The following DOCK10 variants were observed in gnomAD, a reference collection of about 807,000 sequenced individuals.
DOCK10 encodes the protein dedicator of cytokinesis protein 10.
DOCK10 carries 145 observed loss-of-function variants against 280.1 expected under a neutral mutation model. The ratio of observed to expected loss-of-function variants is 0.52; its 90% CI spans 0.45 to 0.59. DOCK10 has a LOEUF of 0.59. DOCK10 is among the 20% of genes least tolerant of loss of function. DOCK10 has a pLI of 0.00. For missense variants in DOCK10, 2,368 were observed against 2,651.7 expected, an observed-to-expected ratio of 0.89 and a Z score of 2.35; for synonymous variants, 915 against 942.2, an observed-to-expected ratio of 0.97 and a Z score of 0.53.
At chr2:224,954,138 C>T (rs1703917059) in intron 1 of DOCK10, among the ~76,000 whole-genome samples, 1 of 152,064 alleles carries the variant, frequency 6.6e-6, no homozygotes, top group African/African-American at 2.4e-5. Flanking sequence ...GGTGAAAATT[C>T]TCATTTAGAG....
intron 50 of DOCK10, among the ~76,000 whole-genome samples, chr2:224,785,822 A>T (rs1038702645): frequency 6.6e-6 from 1 of 152,180 alleles, no homozygotes; most frequent in African/African-American, 2.4e-5. Context: ...AGAGGAAAAT[A>T]TGTATTTTTC....
Position 224,911,328 on chromosome 2 carries a change from C to T in DOCK10, c.333+5367G>A, listed in dbSNP as rs914364922. ...TGAAGGTGACATTCTCAGAGAACTA[C>T]GGATAGATGAAAAGATCTATCTGGA... On this transcript the variant is annotated intron_variant, in intron 3 of 55. Coordinates refer to ENST00000258390, the MANE Select transcript of DOCK10 (RefSeq NM_014689.3). Among the ~76,000 whole-genome samples, 6 of 152,232 alleles carry T rather than the reference C, an allele frequency of 3.9e-5. 2 individuals carry two copies. In the Middle Eastern group the frequency reaches 0.014, roughly 345 times the overall value.
chr2:225,015,026 C>T (rs1458264199), intron 1 of DOCK10, among the ~76,000 whole-genome samples: 1 of 152,148 alleles, frequency 6.6e-6, no homozygotes, highest in Non-Finnish European at 1.5e-5. Flanking sequence ...CTATCATCTG[C>T]CTGTTCTCAT....
chr2:224,772,812 A>G (rs926560252), intron 53 of DOCK10, among the ~76,000 whole-genome samples: 7 of 152,218 alleles, frequency 4.6e-5, no homozygotes, highest in African/African-American at 1.7e-4. Flanking sequence ...CAATTTTTTA[A>G]GGCTCTTAAT....
intron 51 of DOCK10, among the ~76,000 whole-genome samples, chr2:224,776,632 G>GAA (rs113737189): frequency 1.5e-5 from 2 of 134,692 alleles, no homozygotes; most frequent in African/African-American, 2.7e-5. Context: ...AAAGAGGACA[G>GAA]AAAAAAAAAA....
rs1697608760 is a variant in DOCK10 at position 224,862,849 on chromosome 2, C to T, written c.1603-103G>A. 4.1e-6 allele frequency: 3 copies of T among 730,880 alleles called. No individual in the cohort carries two copies. The South Asian group carries it at 7.9e-5, about 19-fold the overall frequency. The allele number at this position is 730,880 out of a possible 1,614,324, so 45.3% of individuals were successfully genotyped here. The stretch of plus-strand genomic sequence containing the variant: ...TTTCATATTATTTTATACTGAAACT[C>T]AGCGTAACTGTGTCTTACTAGCCCC... On this transcript the variant is annotated intron_variant, in intron 13 of 55. Transcript: ENST00000258390.
At chr2:224,820,834 T>C (rs986203976) in intron 28 of DOCK10, among the ~76,000 whole-genome samples, 1 of 152,244 alleles carries the variant, frequency 6.6e-6, no homozygotes, top group African/African-American at 2.4e-5. Context: ...TATTAGGTGA[T>C]TTCCAAATGG....
At chr2:224,994,380 T>A (rs1222062235) in intron 1 of DOCK10, among the ~76,000 whole-genome samples, 2 of 152,208 alleles carry the variant, frequency 1.3e-5, no homozygotes, top group African/African-American at 4.8e-5. Flanking sequence ...TGAGATAATA[T>A]GTATAAAAGG....
intron 1 of DOCK10, among the ~76,000 whole-genome samples, chr2:225,025,863 C>A (rs926873719): frequency 2.0e-5 from 3 of 152,130 alleles, no homozygotes; most frequent in Non-Finnish European, 4.4e-5. Flanking sequence ...TCTATCCATC[C>A]ATCTAACCAA....
At chr2:224,834,380 T>C in intron 25 of DOCK10, 117 bp from the exon 26 acceptor site, 1 of 675,912 alleles carries the variant, frequency 1.5e-6, no homozygotes, top group South Asian at 1.6e-5. Flanking sequence ...GATTTTGCCA[T>C]GAGATAAATG....
At chr2:224,783,207 C>T (rs1691476642) in intron 50 of DOCK10, among the ~76,000 whole-genome samples, 2 of 151,898 alleles carry the variant, frequency 1.3e-5, no homozygotes, top group South Asian at 2.1e-4. Flanking sequence ...TATGGAGTGT[C>T]GTGCTTAGGC....
At chr2:224,932,338 C>T (rs1032543192) in intron 1 of DOCK10, among the ~76,000 whole-genome samples, 1 of 152,050 alleles carries the variant, frequency 6.6e-6, no homozygotes, top group Admixed American at 6.6e-5. Context: ...GGAATGTGCT[C>T]CCCTCAAAGA....
intron 39 of DOCK10, 74 bp from the exon 40 acceptor site, chr2:224,802,114 A>T: frequency 5.4e-6 from 8 of 1,493,114 alleles, no homozygotes; most frequent in Non-Finnish European, 7.3e-6. Flanking sequence ...TTCATTCTCA[A>T]ATGTTCTAGA....
At chr2:224,885,278 G>A (rs1484858151) in intron 7 of DOCK10, among the ~76,000 whole-genome samples, 1 of 152,204 alleles carries the variant, frequency 6.6e-6, no homozygotes, top group African/African-American at 2.4e-5. Flanking sequence ...GGGATTACAG[G>A]TGTGAGCCCC....
chr2:224,903,424 A>G (rs564336638), intron 3 of DOCK10, among the ~76,000 whole-genome samples: 50 of 152,346 alleles, frequency 3.3e-4, no homozygotes, highest in African/African-American at 1.2e-3. Context: ...CTAAATTTTC[A>G]TTCAGTATTT....
intron 2 of DOCK10, among the ~76,000 whole-genome samples, chr2:224,919,229 AATGT>A (rs1701543088): frequency 7.2e-6 from 1 of 138,646 alleles, no homozygotes; most frequent in African/African-American, 2.6e-5. Context: ...GTGTGGTGTG[AATGT>A]ATGTGGGTGT....
intron 9 of DOCK10, 74 bp from the exon 10 acceptor site, chr2:224,874,423 G>A: frequency 2.5e-6 from 3 of 1,180,588 alleles, no homozygotes; most frequent in South Asian, 1.3e-5. Flanking sequence ...ACATGGCCAA[G>A]AAGCAGCCCC....
intron 1 of DOCK10, among the ~76,000 whole-genome samples, chr2:225,015,970 T>C (rs1559961959): frequency 2.0e-5 from 3 of 152,188 alleles, no homozygotes; most frequent in South Asian, 4.1e-4. Flanking sequence ...TAGCTGGAAA[T>C]TTCATTCAAA....
At chr2:225,021,619 G>A (rs750505930) in intron 1 of DOCK10, among the ~76,000 whole-genome samples, 32 of 152,280 alleles carry the variant, frequency 2.1e-4, no homozygotes, top group Non-Finnish European at 4.3e-4. Flanking sequence ...TTCCTGTAAC[G>A]ATCACACATA....
Sources: gnomAD v4.1 joint callset for allele counts (sites outside exome capture counted in the v4.1 genomes callset) on GRCh38, gnomAD v4.1.1 for gene constraint, MANE v1.5 for transcripts, NCBI Gene and HGNC (gene_info 2026-07-23, HGNC 2026-07-21) for gene names.